Variants in COL21A1 observed in about 807,000 individuals in gnomAD.
COL21A1 encodes the protein collagen type XXI alpha 1 chain.
In COL21A1, 149 loss-of-function variants were observed where a neutral mutation model predicts 137.9. That is an observed-to-expected ratio of 1.08 (90% CI 0.95 to 1.24). The LOEUF (loss-of-function observed/expected upper bound fraction) is 1.24, where lower values mean the gene tolerates loss of function less well. COL21A1 is among the 50% of genes most tolerant of loss of function. The pLI is 0.00. For synonymous variants in COL21A1, 456 were observed against 391.5 expected (o/e 1.16, Z -1.95); for missense variants, 1,167 against 1,158.4 (o/e 1.01, Z -0.11).
chr6:56,092,200 ATATGTT>A (rs1768887047), intron 17 of COL21A1, among the ~76,000 whole-genome samples: 1 of 152,178 alleles, frequency 6.6e-6, no homozygotes, highest in African/African-American at 2.4e-5. Flanking sequence ...ATGGGAGAAC[ATATGTT>A]TATGTTTATT....
intron 1 of COL21A1, among the ~76,000 whole-genome samples, chr6:56,223,054 AAT>A (rs201885464): frequency 2.2e-5 from 3 of 138,050 alleles, no homozygotes; most frequent in Non-Finnish European, 3.1e-5. Context: ...AAAAAAAAAA[AAT>A]TGGAATCCCT....
rs764980509 is a variant in COL21A1 at position 56,170,970 on chromosome 6, C to G, written c.799G>C (p.Glu267Gln). Reference sequence around the variant, plus strand: ...ACATATAATGCATACCTTGTGAGTTCTGATAAATCAACTTTTGATGTTACT... The same window carrying G: ...ACATATAATGCATACCTTGTGAGTTGTGATAAATCAACTTTTGATGTTACT... The part of the protein sequence containing the change: ...YEVTSKVDLS[E>Q]LTSNVFPEGL... Residue 267 changes from glutamate to glutamine, a missense_variant, in exon 4 of 30, where the codon GAA becomes CAA. Coordinates refer to ENST00000244728, the MANE Select transcript of COL21A1 (RefSeq NM_030820.4). The G allele has an allele frequency of 1.2e-6, 2 of 1,602,290 alleles. No individual in the cohort carries two copies. Among genetic ancestry groups the G allele is most frequent in the Admixed American group, 3.4e-5 (2 of 58,150 alleles).
chr6:56,230,149 A>G (rs1461125462), intron 1 of COL21A1, among the ~76,000 whole-genome samples: 2 of 151,338 alleles, frequency 1.3e-5, no homozygotes, highest in East Asian at 3.9e-4. Flanking sequence ...AAAAAAATTG[A>G]AAGTCATTTT....
chr6:56,062,447 G>A (rs541971687), intron 24 of COL21A1, among the ~76,000 whole-genome samples: 28 of 151,998 alleles, frequency 1.8e-4, no homozygotes, highest in Non-Finnish European at 4.0e-4. Context: ...GAAATTCATT[G>A]TACACCTGGG....
intron 1 of COL21A1, among the ~76,000 whole-genome samples, chr6:56,341,700 C>T (rs1171811909): frequency 6.6e-6 from 1 of 152,136 alleles, no homozygotes; most frequent in African/African-American, 2.4e-5. Flanking sequence ...ATGTGCAACA[C>T]CAAGAGTGAA....
chr6:56,123,923 C>T (rs1053792454), intron 16 of COL21A1, 139 bp downstream of exon 16: 21 of 684,648 alleles, frequency 3.1e-5, no homozygotes, highest in Non-Finnish European at 4.3e-5. Context: ...TTAAATTACA[C>T]GTAAAAAACC....
In COL21A1 at chr6:56,092,107, A is replaced by C. The variant is rs187183010; in HGVS notation, c.1812+9365T>G. On this transcript the variant is annotated intron_variant, in intron 17 of 29. Transcript: ENST00000244728. ...AGCAAAGTTGGCATCTTTTAAAAGA[A>C]AAAAAAACACTAAAAAGCACTCAAA... is the stretch of plus-strand genomic sequence containing the variant. 8.2e-4 allele frequency among the ~76,000 whole-genome samples: 125 copies of C among 152,148 alleles called. 1 individual carries two copies. The highest frequency in any genetic ancestry group is 3.4e-3 in the Middle Eastern group (1 of 294).
At position 56,287,221 on chromosome 6, in the gene COL21A1, G is replaced by A. The variant is rs1306780109; in HGVS notation, c.-38-104565C>T. On this transcript the variant is annotated intron_variant, in intron 1 of 28. Transcript: ENST00000370819. Reference sequence around the variant, plus strand: ...TTTGAAGCAGGATATTTTATCATAGGATTGTATTTTTCAAACTCTTTTACA... The same window carrying A: ...TTTGAAGCAGGATATTTTATCATAGAATTGTATTTTTCAAACTCTTTTACA... Among the ~76,000 whole-genome samples, 5 of 152,176 alleles carry A rather than the reference G, an allele frequency of 3.3e-5. No homozygotes were observed. The East Asian group carries it at 9.6e-4, about 29-fold the overall frequency.
chr6:56,315,359 C>T (rs1339882905), intron 1 of COL21A1, among the ~76,000 whole-genome samples: 1 of 152,154 alleles, frequency 6.6e-6, no homozygotes, highest in Non-Finnish European at 1.5e-5. Flanking sequence ...TCTCTACAAA[C>T]ACGGCCAAGG....
intron 1 of COL21A1, among the ~76,000 whole-genome samples, chr6:56,318,554 A>G (rs566395278): frequency 6.6e-6 from 1 of 152,090 alleles, no homozygotes; most frequent in East Asian, 1.9e-4. Flanking sequence ...GAAAACTTCC[A>G]TGCCCTCCCC....
chr6:56,122,111 A>G (rs551970596), intron 16 of COL21A1, among the ~76,000 whole-genome samples: 151 of 152,354 alleles, frequency 9.9e-4, no homozygotes, highest in Admixed American at 1.5e-3. Context: ...CCAAAGCATG[A>G]ATGACCCACA....
At chr6:56,160,927 C>A (rs1776152124) in intron 9 of COL21A1, among the ~76,000 whole-genome samples, 1 of 152,164 alleles carries the variant, frequency 6.6e-6, no homozygotes. Context: ...TCATGCTACC[C>A]CTCTGGTCTC....
rs1323282338 is a variant in COL21A1, at chr6:56,057,799, TC to T, written c.2731del (p.Asp911ThrfsTer34). The T allele has an allele frequency of 5.0e-6, 8 of 1,599,150 alleles. No individual in the cohort carries two copies. The African/African-American group carries it at 1.1e-4, about 22-fold the overall frequency. On this transcript the variant is annotated frameshift_variant, in exon 30 of 30. Coordinates refer to ENST00000244728, the MANE Select transcript of COL21A1 (RefSeq NM_030820.4). LOFTEE classifies it high-confidence loss of function. ...PGISKEGPPG[D>X]PGLPGKDGDH... ...TCCATCTTTGCCAGGGAGACCTGGG[TC>T]TCCTGGAGGACCTTCTTTGCTTATT...
At chr6:56,276,685 C>T (rs994966000) in intron 1 of COL21A1, 2 of 1,439,606 alleles carry the variant, frequency 1.4e-6, no homozygotes, top group African/African-American at 2.8e-5. Context: ...ATCCTTGTCA[C>T]AAATAGTTTA....
intron 10 of COL21A1, among the ~76,000 whole-genome samples, chr6:56,155,766 T>C (rs548047808): frequency 6.6e-6 from 1 of 152,250 alleles, no homozygotes; most frequent in African/African-American, 2.4e-5. Context: ...CAGCTAATTT[T>C]TGTATTTCTT....
intron 1 of COL21A1, among the ~76,000 whole-genome samples, chr6:56,266,502 C>A (rs1430090932): frequency 6.6e-6 from 1 of 152,162 alleles, no homozygotes; most frequent in Non-Finnish European, 1.5e-5. Flanking sequence ...ACTGTATGAG[C>A]AACAAAGCTT....
At chr6:56,389,281 C>G (rs1003295172) in intron 1 of COL21A1, among the ~76,000 whole-genome samples, 4 of 151,860 alleles carry the variant, frequency 2.6e-5, no homozygotes, top group Non-Finnish European at 5.9e-5. Flanking sequence ...ATTACTTGAA[C>G]GTGGGAGGTG....
intron 6 of COL21A1, 78 bp downstream of exon 6, chr6:56,168,046 A>C: frequency 1.0e-6 from 1 of 990,770 alleles, no homozygotes; most frequent in Non-Finnish European, 1.4e-6. Flanking sequence ...AATATGATTA[A>C]ATGTGGTGAA....
In COL21A1 at chr6:56,303,175, C is replaced by G. The variant is rs1166197050; in HGVS notation, c.-39+90796G>C. 6.6e-5 allele frequency among the ~76,000 whole-genome samples: 10 copies of G among 152,282 alleles called. No individual in the cohort carries two copies. The East Asian group carries it at 1.9e-3, about 29-fold the overall frequency. On this transcript the variant is annotated intron_variant, in intron 1 of 28. Coordinates refer to the COL21A1 transcript ENST00000370819. ...AAGTCAGGTAGCGTGATGCCTCCAG[C>G]TTTATTCTTTTGGCTTAGGATTGAC... is the stretch of plus-strand genomic sequence containing the variant.
Sources: gnomAD v4.1 joint callset for allele counts (sites outside exome capture counted in the v4.1 genomes callset) on GRCh38, gnomAD v4.1.1 for gene constraint, MANE v1.5 for transcripts, NCBI Gene and HGNC (gene_info 2026-07-23, HGNC 2026-07-21) for gene names.